CNTNAP2: variants seen among roughly 807,000 people sequenced by gnomAD.
CNTNAP2 encodes contactin-associated protein-like 2.
In CNTNAP2, 98 loss-of-function variants were observed where a neutral mutation model predicts 155.2. That is an observed-to-expected ratio of 0.63 (90% CI 0.54 to 0.75). The LOEUF (loss-of-function observed/expected upper bound fraction) is 0.75, where lower values mean the gene tolerates loss of function less well. Ranked by LOEUF, CNTNAP2 falls within the 30% of genes least tolerant of loss-of-function variation. The pLI is 0.00. For missense variants in CNTNAP2, 1,727 were observed against 1,688.1 expected, an observed-to-expected ratio of 1.02 and a Z score of -0.40; for synonymous variants, 651 against 631.2, an observed-to-expected ratio of 1.03 and a Z score of -0.47.
intron 14 of CNTNAP2, among the ~76,000 whole-genome samples, chr7:147,974,513 T>C (rs1801392173): frequency 6.6e-6 from 1 of 152,092 alleles, no homozygotes; most frequent in Non-Finnish European, 1.5e-5. Context: ...TAATCCCAGC[T>C]ACTAGGGAAG....
intron 8 of CNTNAP2, among the ~76,000 whole-genome samples, chr7:147,283,227 C>T (rs936729904): frequency 6.6e-6 from 1 of 151,734 alleles, no homozygotes; most frequent in Non-Finnish European, 1.5e-5. Context: ...TTATGTTGTA[C>T]ATTAAATATA....
At chr7:147,975,961 G>A (rs902335082) in intron 14 of CNTNAP2, among the ~76,000 whole-genome samples, 3 of 152,084 alleles carry the variant, frequency 2.0e-5, no homozygotes, top group African/African-American at 4.8e-5. Flanking sequence ...TTAGACTTTG[G>A]GGGGGTCTTA....
At chr7:146,150,306 A>T (rs534776226) in intron 1 of CNTNAP2, among the ~76,000 whole-genome samples, 1 of 152,254 alleles carries the variant, frequency 6.6e-6, no homozygotes, top group South Asian at 2.1e-4. Context: ...TGCTGGTTGG[A>T]ATGAAAAATC....
At chr7:146,654,376 T>C (rs780202017) in intron 1 of CNTNAP2, among the ~76,000 whole-genome samples, 1 of 152,006 alleles carries the variant, frequency 6.6e-6, no homozygotes, top group Non-Finnish European at 1.5e-5. Flanking sequence ...CATCATTATA[T>C]TGAGTTGTGT....
chr7:146,652,331 C>T (rs1799928475), intron 1 of CNTNAP2, among the ~76,000 whole-genome samples: 1 of 152,054 alleles, frequency 6.6e-6, no homozygotes, highest in South Asian at 2.1e-4. Context: ...GGAAATAGAC[C>T]TACGACTGTT....
At chr7:146,788,825 T>TTTTTG (rs372040102) in intron 2 of CNTNAP2, among the ~76,000 whole-genome samples, 3,765 of 152,124 alleles carry the variant, frequency 0.025, 143 homozygotes, top group African/African-American at 0.077. Context: ...TCCACGTGTT[T>TTTTTG]TTTTGTTTTG....
intron 13 of CNTNAP2, among the ~76,000 whole-genome samples, chr7:147,727,618 G>A (rs1796665594): frequency 6.6e-6 from 1 of 151,886 alleles, no homozygotes; most frequent in African/African-American, 2.4e-5. Context: ...CAAAAACACT[G>A]AGGTAGAAAT....
intron 10 of CNTNAP2, among the ~76,000 whole-genome samples, chr7:147,468,845 T>TCTTCTTC (rs751496536): frequency 3.3e-5 from 2 of 59,872 alleles, no homozygotes; most frequent in African/African-American, 1.7e-4. Flanking sequence ...CTTCTTCTTT[T>TCTTCTTC]TTTTTTTTCC....
chr7:147,193,491 A>G (rs556608384), intron 8 of CNTNAP2, among the ~76,000 whole-genome samples: 25 of 152,324 alleles, frequency 1.6e-4, no homozygotes, highest in African/African-American at 5.5e-4. Flanking sequence ...ACAGCCCACA[A>G]GGAATCACAT....
At chr7:147,658,283 G>A (rs1160134633) in intron 13 of CNTNAP2, among the ~76,000 whole-genome samples, 1 of 150,244 alleles carries the variant, frequency 6.7e-6, no homozygotes, top group Non-Finnish European at 1.5e-5. Context: ...AAAGATAGCC[G>A]ACCTTACCTT....
chr7:147,581,451 C>G (rs1397471910), intron 12 of CNTNAP2, among the ~76,000 whole-genome samples: 5 of 152,256 alleles, frequency 3.3e-5, no homozygotes, highest in Admixed American at 1.3e-4. Context: ...AATCAAAATG[C>G]TCCACATTGC....
intron 14 of CNTNAP2, among the ~76,000 whole-genome samples, chr7:147,936,541 G>A (rs1800611856): frequency 6.6e-6 from 1 of 152,084 alleles, no homozygotes; most frequent in South Asian, 2.1e-4. Context: ...CATTGAGAGG[G>A]TCTTCTGGAG....
intron 1 of CNTNAP2, among the ~76,000 whole-genome samples, chr7:146,176,641 A>G (rs1198927115): frequency 6.6e-6 from 1 of 152,182 alleles, no homozygotes; most frequent in Non-Finnish European, 1.5e-5. Context: ...TATGTGGGAT[A>G]CCTACTATGC....
chr7:147,047,275 ATT>A lies in CNTNAP2; in HGVS notation c.550+3239_550+3240del, dbSNP rs35453952. Among the ~76,000 whole-genome samples, 150 of 111,372 alleles carry A rather than the reference ATT, an allele frequency of 1.3e-3. No homozygotes were observed. The East Asian group carries it at 0.018, about 13-fold the overall frequency. The allele number at this position is 111,372 out of a possible 152,430, so 73.1% of individuals were successfully genotyped here. ...AGGTGACCACCACCACGCCCGGCTA[ATT>A]TTTTTTTTTTTTTTTTTGTATTTTT... On this transcript the variant is annotated intron_variant, in intron 4 of 23. Coordinates refer to ENST00000361727, the MANE Select transcript of CNTNAP2 (RefSeq NM_014141.6).
At chr7:147,607,828 C>T (rs1295103018) in intron 12 of CNTNAP2, among the ~76,000 whole-genome samples, 2 of 152,064 alleles carry the variant, frequency 1.3e-5, no homozygotes, top group African/African-American at 4.8e-5. Context: ...ATAAAATTCC[C>T]CAACAATAAT....
intron 3 of CNTNAP2, among the ~76,000 whole-genome samples, chr7:146,903,899 T>C (rs1250858709): frequency 6.6e-6 from 1 of 152,142 alleles, no homozygotes; most frequent in East Asian, 1.9e-4. Context: ...GATAAATTGG[T>C]GAGGTCATAG....
At chr7:147,852,018 C>T (rs10246598) in intron 13 of CNTNAP2, among the ~76,000 whole-genome samples, 4,123 of 152,152 alleles carry the variant, frequency 0.027, 166 homozygotes, top group African/African-American at 0.095. Flanking sequence ...AACTACTTAT[C>T]CTGGGTCCCA....
intron 4 of CNTNAP2, chr7:147,082,106 G>T (rs746419828): frequency 2.0e-5 from 3 of 152,166 alleles, no homozygotes; most frequent in Admixed American, 1.3e-4. Flanking sequence ...AAAAAAGAAA[G>T]GTAAAGGGTG....
chr7:147,459,059 G>A (rs1230372608), intron 10 of CNTNAP2, among the ~76,000 whole-genome samples: 5 of 152,112 alleles, frequency 3.3e-5, no homozygotes, highest in Admixed American at 3.3e-4. Context: ...AGAATTTTCA[G>A]CAGTGATGGA....
Sources: allele counts gnomAD v4.1 joint callset (sites outside exome capture counted in the v4.1 genomes callset), GRCh38; gene constraint gnomAD v4.1.1; transcripts MANE v1.5; gene names NCBI Gene and HGNC (gene_info 2026-07-23, HGNC 2026-07-21).